The following GRIK4 variants were observed in gnomAD, a reference collection of about 807,000 sequenced individuals.
GRIK4 encodes glutamate receptor ionotropic, kainate 4.
A neutral mutation model predicts 104.9 loss-of-function variants in GRIK4; 40 were observed. The ratio of observed to expected loss-of-function variants is 0.38; its 90% CI spans 0.30 to 0.50. GRIK4 has a LOEUF of 0.50. Ranked by LOEUF, GRIK4 falls within the 20% of genes least tolerant of loss-of-function variation. The probability of loss-of-function intolerance (pLI) is 0.93; values close to 1 mark genes in which losing one functional copy is unlikely to be tolerated. For missense variants in GRIK4, 1,047 were observed against 1,308.1 expected (o/e 0.80, Z 3.08); for synonymous variants, 485 against 524.9 (o/e 0.92, Z 1.04).
intron 13 of GRIK4, among the ~76,000 whole-genome samples, chr11:120,920,088 C>T (rs974899092): frequency 2.6e-5 from 4 of 152,058 alleles, no homozygotes; most frequent in African/African-American, 4.8e-5. Context: ...CCTTCCATCC[C>T]GACTGGACAC....
chr11:120,773,842 T>A (rs1279393824), intron 3 of GRIK4, among the ~76,000 whole-genome samples: 1 of 152,202 alleles, frequency 6.6e-6, no homozygotes, highest in Non-Finnish European at 1.5e-5. Context: ...GTCCAAGAAT[T>A]ACCAAGTTAA....
In GRIK4 at chr11:120,866,508, C is replaced by G. The variant is rs1954417090; in HGVS notation, c.906+4388C>G. The stretch of plus-strand genomic sequence containing the variant: ...CTGTTTAAAAGATAGAAACCCTGAC[C>G]TCGTTTGTCTCCTTCCCAGTCCAAT... On this transcript the variant is annotated intron_variant, in intron 9 of 20. Coordinates refer to ENST00000527524, the MANE Select transcript of GRIK4 (RefSeq NM_014619.5). Among the ~76,000 whole-genome samples, 2 of 152,184 alleles carry G rather than the reference C, an allele frequency of 1.3e-5. 1 individual carries two copies. Among genetic ancestry groups the G allele is most frequent in the South Asian group, 4.1e-4 (2 of 4,826 alleles).
chr11:120,583,540 C>T (rs1239471964), intron 1 of GRIK4, among the ~76,000 whole-genome samples: 1 of 151,168 alleles, frequency 6.6e-6, no homozygotes, highest in Non-Finnish European at 1.5e-5. Context: ...GGTGTAAGGA[C>T]GAGGCTCTCT....
At chr11:120,774,428 G>T (rs563023744) in intron 3 of GRIK4, among the ~76,000 whole-genome samples, 1 of 152,318 alleles carries the variant, frequency 6.6e-6, no homozygotes, top group South Asian at 2.1e-4. Context: ...AATCTGCAGG[G>T]CAGGCCAGCA....
intron 2 of GRIK4, among the ~76,000 whole-genome samples, chr11:120,659,362 T>C (rs1949774052): frequency 6.6e-6 from 1 of 152,102 alleles, no homozygotes; most frequent in African/African-American, 2.4e-5. Context: ...CTGCTCTCCA[T>C]ATTTGCTAGG....
intron 3 of GRIK4, among the ~76,000 whole-genome samples, chr11:120,785,796 A>C (rs1952257193): frequency 6.6e-6 from 1 of 152,128 alleles, no homozygotes; most frequent in South Asian, 2.1e-4. Context: ...GATTCTGTGC[A>C]TGCCTCCGCG....
chr11:120,641,337 A>G (rs1397121067), intron 1 of GRIK4, among the ~76,000 whole-genome samples: 1 of 152,120 alleles, frequency 6.6e-6, no homozygotes, highest in African/African-American at 2.4e-5. Context: ...TGTAAAACCC[A>G]AGTGATTTCT....
At chr11:120,949,233 A>G (rs1392056908) in intron 14 of GRIK4, among the ~76,000 whole-genome samples, 1 of 152,206 alleles carries the variant, frequency 6.6e-6, no homozygotes, top group Non-Finnish European at 1.5e-5. Flanking sequence ...CACTACTGTC[A>G]TGCAAAGGAC....
chr11:120,941,249 T>TA (rs1347613535), intron 14 of GRIK4, among the ~76,000 whole-genome samples: 4 of 152,170 alleles, frequency 2.6e-5, no homozygotes, highest in African/African-American at 9.7e-5. Context: ...ATTTGCCCAA[T>TA]ACACTAGTCA....
chr11:120,666,265 G>A (rs1048278908), intron 3 of GRIK4, among the ~76,000 whole-genome samples: 2 of 152,246 alleles, frequency 1.3e-5, no homozygotes, highest in African/African-American at 4.8e-5. Flanking sequence ...CCAGGTTTGT[G>A]ACTTCCCCAA....
intron 5 of GRIK4, among the ~76,000 whole-genome samples, chr11:120,815,999 C>T (rs1190408387): frequency 6.6e-6 from 1 of 152,180 alleles, no homozygotes; most frequent in African/African-American, 2.4e-5. Flanking sequence ...TCCTCATTCA[C>T]CAGTTCCAGT....
At chr11:120,983,538 C>A (rs754496898) in intron 20 of GRIK4, among the ~76,000 whole-genome samples, 2 of 152,202 alleles carry the variant, frequency 1.3e-5, no homozygotes, top group South Asian at 2.1e-4. Flanking sequence ...CCTTGCCTTG[C>A]GTGGCACCCA....
At chr11:120,676,862 G>A (rs1950106453) in intron 3 of GRIK4, among the ~76,000 whole-genome samples, 1 of 152,204 alleles carries the variant, frequency 6.6e-6, no homozygotes, top group South Asian at 2.1e-4. Context: ...GGCATCTTTG[G>A]GGGCCATTAT....
At chr11:120,779,548 G>T (rs544904842) in intron 3 of GRIK4, among the ~76,000 whole-genome samples, 1 of 152,290 alleles carries the variant, frequency 6.6e-6, no homozygotes. Context: ...TCCAGCAGTG[G>T]GAGCCTGCAC....
chr11:120,565,354 G>A (rs1341904428), intron 1 of GRIK4, among the ~76,000 whole-genome samples: 1 of 152,256 alleles, frequency 6.6e-6, no homozygotes, highest in Non-Finnish European at 1.5e-5. Context: ...CCAGTGAGCT[G>A]CTGCATCCTC....
At chr11:120,928,309 G>T (rs965853759) in intron 13 of GRIK4, among the ~76,000 whole-genome samples, 2 of 151,894 alleles carry the variant, frequency 1.3e-5, no homozygotes. Context: ...ACGGGAAGAG[G>T]GGATTGTAAG....
chr11:120,573,425 C>A (rs955098778), intron 1 of GRIK4, among the ~76,000 whole-genome samples: 1 of 152,144 alleles, frequency 6.6e-6, no homozygotes, highest in Non-Finnish European at 1.5e-5. Flanking sequence ...AGGAGTCAGT[C>A]TGTTAGTCCT....
At chr11:120,712,045 A>G (rs1950743598) in intron 3 of GRIK4, among the ~76,000 whole-genome samples, 1 of 152,292 alleles carries the variant, frequency 6.6e-6, no homozygotes, top group Non-Finnish European at 1.5e-5. Flanking sequence ...CACAAAGCAC[A>G]CAAGGTCGCT....
intron 11 of GRIK4, among the ~76,000 whole-genome samples, chr11:120,881,217 A>G (rs1293935523): frequency 1.3e-5 from 2 of 152,140 alleles, no homozygotes; most frequent in African/African-American, 2.4e-5. Context: ...CCAAATTTCT[A>G]TTTGCCACAT....
Sources: gnomAD v4.1 joint callset for allele counts (sites outside exome capture counted in the v4.1 genomes callset) on GRCh38, gnomAD v4.1.1 for gene constraint, MANE v1.5 for transcripts, NCBI Gene and HGNC (gene_info 2026-07-23, HGNC 2026-07-21) for gene names.